Variants in GPHN observed in about 807,000 individuals in gnomAD.
The protein encoded by GPHN is gephyrin.
A neutral mutation model predicts 95.5 loss-of-function variants in GPHN; 17 were observed. The observed-to-expected ratio is 0.18, with a 90% confidence interval of 0.12 to 0.27. The LOEUF (loss-of-function observed/expected upper bound fraction) is 0.27, where lower values mean the gene tolerates loss of function less well. Ranked by LOEUF, GPHN falls within the 10% of genes least tolerant of loss-of-function variation. The probability of loss-of-function intolerance (pLI) is 1.00; values close to 1 mark genes in which losing one functional copy is unlikely to be tolerated. For missense variants in GPHN, 660 were observed against 978.1 expected, an observed-to-expected ratio of 0.67 and a Z score of 4.34; for synonymous variants, 320 against 322.5, an observed-to-expected ratio of 0.99 and a Z score of 0.08.
the GPHN span, among the ~76,000 whole-genome samples, chr14:67,394,664 C>T: frequency 6.6e-6 from 1 of 152,022 alleles, no homozygotes; most frequent in African/African-American, 2.4e-5. Flanking sequence ...GTTCTTTTGC[C>T]TGGGAGGTTG....
At chr14:66,630,515 A>G (rs2153338612) in intron 1 of GPHN, among the ~76,000 whole-genome samples, 2 of 152,210 alleles carry the variant, frequency 1.3e-5, no homozygotes, top group Non-Finnish European at 1.5e-5. Flanking sequence ...GGAGTCGCCC[A>G]GGCTGTGGTG....
chr14:67,634,391 A>G, the GPHN span, among the ~76,000 whole-genome samples: 3 of 151,246 alleles, frequency 2.0e-5, no homozygotes, highest in African/African-American at 7.3e-5. Context: ...CCAGGAGTTC[A>G]AGACCAGCCT....
chr14:66,933,154 A>T (rs1264054491), intron 8 of GPHN, among the ~76,000 whole-genome samples: 1 of 152,250 alleles, frequency 6.6e-6, no homozygotes, highest in East Asian at 1.9e-4. Flanking sequence ...GACAGTTAAC[A>T]ACATATCAAA....
At chr14:66,704,373 TGCCGC>T (rs2068863668) in intron 2 of GPHN, among the ~76,000 whole-genome samples, 1 of 152,028 alleles carries the variant, frequency 6.6e-6, no homozygotes, top group Non-Finnish European at 1.5e-5. Flanking sequence ...TTCATCTCGG[TGCCGC>T]ATAGCACTTA....
At chr14:66,510,072 C>G (rs2057979369) in intron 1 of GPHN, among the ~76,000 whole-genome samples, 1 of 152,022 alleles carries the variant, frequency 6.6e-6, no homozygotes, top group South Asian at 2.1e-4. Context: ...GAAAAGGGAA[C>G]CCCCAAATCA....
chr14:67,670,042 C>T, the GPHN span, among the ~76,000 whole-genome samples: 3,511 of 152,260 alleles, frequency 0.023, 143 homozygotes, highest in African/African-American at 0.08. Flanking sequence ...CTGCAGTGAG[C>T]AGTGATGGTG....
the GPHN span, among the ~76,000 whole-genome samples, chr14:67,296,374 G>A: frequency 6.6e-6 from 1 of 152,064 alleles, no homozygotes; most frequent in African/African-American, 2.4e-5. Flanking sequence ...GCCAAGGTGG[G>A]CAGATCACGA....
At chr14:67,203,448 G>C in the GPHN span, among the ~76,000 whole-genome samples, 3 of 152,162 alleles carry the variant, frequency 2.0e-5, no homozygotes, top group African/African-American at 7.2e-5. Flanking sequence ...TTGAAGACGG[G>C]TGAAATCATG....
the GPHN span, chr14:67,692,474 T>C: frequency 6.2e-7 from 1 of 1,614,150 alleles, no homozygotes. Flanking sequence ...CGAATAGACT[T>C]AGTATCAGAC....
At chr14:66,514,618 G>A (rs1250624234) in intron 1 of GPHN, among the ~76,000 whole-genome samples, 3 of 151,972 alleles carry the variant, frequency 2.0e-5, no homozygotes, top group African/African-American at 7.2e-5. Context: ...ATAGGGGAGG[G>A]TAGGTTATAC....
intron 1 of GPHN, among the ~76,000 whole-genome samples, chr14:66,618,645 A>C (rs1349587307): frequency 6.6e-6 from 1 of 152,192 alleles, no homozygotes; most frequent in Non-Finnish European, 1.5e-5. Flanking sequence ...TTTCAGGATT[A>C]GCTCACTTCA....
At chr14:66,743,351 ATTTTCTT>A (rs1293701761) in intron 2 of GPHN, among the ~76,000 whole-genome samples, 1 of 151,966 alleles carries the variant, frequency 6.6e-6, no homozygotes, top group Non-Finnish European at 1.5e-5. Context: ...ATTCAATTTT[ATTTTCTT>A]TTTTCTTAGA....
chr14:67,579,683 G>A, the GPHN span: 2 of 1,601,322 alleles, frequency 1.2e-6, no homozygotes, highest in Non-Finnish European at 8.5e-7. Flanking sequence ...CTCCTCTCAG[G>A]AGGTTCACTC....
At chr14:67,061,067 G>A (rs918541048) in intron 11 of GPHN, among the ~76,000 whole-genome samples, 2 of 151,780 alleles carry the variant, frequency 1.3e-5, no homozygotes, top group African/African-American at 4.8e-5. Context: ...CTGAGATGGA[G>A]TTTTGCTCTT....
chr14:67,586,280 C>A, the GPHN span: 1 of 1,090,788 alleles, frequency 9.2e-7, no homozygotes, highest in Non-Finnish European at 1.4e-6. Flanking sequence ...CAATGTTCAG[C>A]TAGTAGGTAA....
intron 12 of GPHN, among the ~76,000 whole-genome samples, chr14:67,094,071 C>T (rs936824586): frequency 1.3e-5 from 2 of 152,104 alleles, no homozygotes; most frequent in African/African-American, 4.8e-5. Flanking sequence ...AATGATGAGA[C>T]TCTTTAGTAT....
chr14:67,254,031 C>CCT, the GPHN span, among the ~76,000 whole-genome samples: 11 of 141,610 alleles, frequency 7.8e-5, no homozygotes, highest in Non-Finnish European at 1.4e-4. Context: ...TTCATCCCCC[C>CCT]CCCCTTACAA....
At chr14:66,700,143 T>C (rs2153413973) in intron 2 of GPHN, among the ~76,000 whole-genome samples, 1 of 152,276 alleles carries the variant, frequency 6.6e-6, no homozygotes, top group Middle Eastern at 3.4e-3. Context: ...GTGTTAAATG[T>C]TTTCTATTTC....
At chr14:66,795,602 A>G (rs894553516) in intron 3 of GPHN, among the ~76,000 whole-genome samples, 7 of 152,092 alleles carry the variant, frequency 4.6e-5, no homozygotes, top group Non-Finnish European at 1.0e-4. Context: ...GGACTACCCA[A>G]GGGTATATTT....
Sources: allele counts gnomAD v4.1 joint callset (sites outside exome capture counted in the v4.1 genomes callset), GRCh38; gene constraint gnomAD v4.1.1; transcripts MANE v1.5; gene names NCBI Gene and HGNC (gene_info 2026-07-23, HGNC 2026-07-21).